Variants in MORC3 observed in about 807,000 individuals in gnomAD.
MORC3 encodes MORC family CW-type zinc finger protein 3.
Under a neutral mutation model 109.1 loss-of-function variants are expected in MORC3, and 31 were observed. The ratio of observed to expected loss-of-function variants is 0.28; its 90% CI spans 0.21 to 0.38. The LOEUF is 0.38. MORC3 is among the 10% of genes least tolerant of loss of function. MORC3 has a pLI of 1.00. For missense variants in MORC3, 867 were observed against 1,135.8 expected (o/e 0.76, Z 3.40); for synonymous variants, 395 against 380.7 (o/e 1.04, Z -0.44).
At chr21:36,375,034 A>T in intron 16 of MORC3, 109 bp from the exon 17 acceptor site, 1 of 1,156,224 alleles carries the variant, frequency 8.6e-7, no homozygotes, top group Non-Finnish European at 1.2e-6. Context: ...CCTTTTGTTT[A>T]ATTGTATATT....
At chr21:36,343,325 C>T (rs1314334241) in intron 6 of MORC3, among the ~76,000 whole-genome samples, 2 of 152,066 alleles carry the variant, frequency 1.3e-5, no homozygotes, top group East Asian at 1.9e-4. Context: ...GAACTCCCGA[C>T]CTCAGTGATC....
intron 16 of MORC3, among the ~76,000 whole-genome samples, chr21:36,374,690 G>A (rs1041821400): frequency 2.0e-5 from 3 of 152,150 alleles, no homozygotes; most frequent in Non-Finnish European, 2.9e-5. Context: ...AGCTACTCAG[G>A]AGGCTGAGGT....
At chr21:36,367,662 A>T (rs1281955645) in intron 14 of MORC3, among the ~76,000 whole-genome samples, 1 of 152,198 alleles carries the variant, frequency 6.6e-6, no homozygotes, top group Non-Finnish European at 1.5e-5. Context: ...TACCAGAAAA[A>T]CTGCATTTCC....
intron 14 of MORC3, among the ~76,000 whole-genome samples, chr21:36,366,284 A>C (rs868442696): frequency 6.6e-6 from 1 of 152,106 alleles, no homozygotes. Context: ...GAGAACATGA[A>C]GTATTTGGTT....
At position 36,342,253 on chromosome 21, in the gene MORC3, A is replaced by C. The variant is rs532013575; in HGVS notation, c.756+707A>C. Among the ~76,000 whole-genome samples, 38 of 143,862 alleles carry C rather than the reference A, an allele frequency of 2.6e-4. 1 individual carries two copies. The highest frequency in any genetic ancestry group is 7.4e-4 in the African/African-American group (29 of 39,216). 94.4% of individuals were successfully genotyped at this position (143,862 alleles called of 152,430 possible). A position where few individuals can be genotyped will look rare whatever the true frequency, so the allele number is the denominator to read the frequency against. On this transcript the variant is annotated intron_variant, in intron 6 of 16. Transcript: ENST00000400485. ...AGTGAGACGCCATCACACACACACA[A>C]AAAATTTAACGTATTCTAGAATACA...
At chr21:36,370,001 T>A in intron 15 of MORC3, 125 bp downstream of exon 15, 1 of 1,097,324 alleles carries the variant, frequency 9.1e-7, no homozygotes, top group African/African-American at 1.6e-5. Context: ...CCAAGGCGGG[T>A]GGGTCAGTCA....
intron 1 of MORC3, among the ~76,000 whole-genome samples, chr21:36,330,140 G>A (rs1036615253): frequency 1.3e-5 from 2 of 152,030 alleles, no homozygotes; most frequent in African/African-American, 4.8e-5. Flanking sequence ...GGGATTACAG[G>A]TGTGAGCCAC....
At chr21:36,365,020 C>G (rs1330592641) in intron 14 of MORC3, among the ~76,000 whole-genome samples, 1 of 139,134 alleles carries the variant, frequency 7.2e-6, no homozygotes, top group African/African-American at 2.8e-5. Flanking sequence ...CCACTGCACT[C>G]CAGCCTGGGT....
At chr21:36,359,200 T>G (rs946521622) in intron 10 of MORC3, among the ~76,000 whole-genome samples, 1 of 152,198 alleles carries the variant, frequency 6.6e-6, no homozygotes, top group Admixed American at 6.6e-5. Context: ...GGGCAAGGCA[T>G]TTGAAATATT....
At chr21:36,322,558 T>C (rs964534142) in intron 1 of MORC3, among the ~76,000 whole-genome samples, 2 of 151,968 alleles carry the variant, frequency 1.3e-5, no homozygotes, top group African/African-American at 4.8e-5. Context: ...TTTTAGTATA[T>C]ATAGAGTTTC....
intron 1 of MORC3, among the ~76,000 whole-genome samples, chr21:36,322,337 G>A (rs1377822870): frequency 6.7e-6 from 1 of 148,996 alleles, no homozygotes; most frequent in African/African-American, 2.5e-5. Flanking sequence ...ACATTTTAAG[G>A]CACAAAGGGT....
intron 9 of MORC3, 131 bp from the exon 10 acceptor site, chr21:36,356,489 C>T (rs1220412077): frequency 2.2e-6 from 1 of 451,386 alleles, no homozygotes; most frequent in African/African-American, 2.1e-5. Context: ...TCACCTATAC[C>T]TTGAATGTTC....
intron 1 of MORC3, among the ~76,000 whole-genome samples, chr21:36,325,938 G>A (rs573696507): frequency 8.5e-5 from 13 of 152,294 alleles, no homozygotes; most frequent in Non-Finnish European, 1.3e-4. Flanking sequence ...GTTAATTTGG[G>A]CGCAGTGGCT....
At chr21:36,338,673 T>C in intron 4 of MORC3, 101 bp from the exon 5 acceptor site, 1 of 1,174,368 alleles carries the variant, frequency 8.5e-7, no homozygotes, top group Non-Finnish European at 1.2e-6. Context: ...TAGAAAATTA[T>C]TTATAAATAG....
intron 1 of MORC3, 104 bp downstream of exon 1, chr21:36,320,407 C>A: frequency 9.0e-7 from 1 of 1,107,042 alleles, no homozygotes; most frequent in Non-Finnish European, 1.1e-6. Flanking sequence ...GCCGACGCGG[C>A]GGCGGGGGCT....
intron 9 of MORC3, among the ~76,000 whole-genome samples, chr21:36,351,051 GTCC>G (rs1365185704): frequency 2.4e-5 from 3 of 127,328 alleles, no homozygotes; most frequent in Non-Finnish European, 3.3e-5. Context: ...AACTACGGTT[GTCC>G]TCCTTTTTTT....
Position 36,353,840 on chromosome 21 carries a change from C to T in MORC3, c.1104-2780C>T, listed in dbSNP as rs1024625784. Among the ~76,000 whole-genome samples, 8 of 142,520 alleles carry T rather than the reference C, an allele frequency of 5.6e-5. No individual in the cohort carries two copies. In the East Asian group the frequency reaches 1.1e-3, roughly 19 times the overall value. 93.5% of individuals were successfully genotyped at this position (142,520 alleles called of 152,430 possible). ...CTCTAACTCCTGACCTCAGGTGATC[C>T]GGCCACCTCGGCCTCCCAAAGTGCT... On this transcript the variant is annotated intron_variant, in intron 9 of 16. Coordinates refer to ENST00000400485, the MANE Select transcript of MORC3 (RefSeq NM_015358.3).
At chr21:36,350,292 G>A (rs2085556142) in intron 9 of MORC3, among the ~76,000 whole-genome samples, 1 of 152,022 alleles carries the variant, frequency 6.6e-6, no homozygotes, top group Admixed American at 6.6e-5. Context: ...CGATGACAGA[G>A]TGAGATCCCG....
intron 9 of MORC3, among the ~76,000 whole-genome samples, chr21:36,352,807 C>T (rs1467114481): frequency 6.6e-6 from 1 of 151,910 alleles, no homozygotes; most frequent in Non-Finnish European, 1.5e-5. Flanking sequence ...TTACTGATAA[C>T]ATAAATAGTT....
Sources: allele counts gnomAD v4.1 joint callset (sites outside exome capture counted in the v4.1 genomes callset), GRCh38; gene constraint gnomAD v4.1.1; transcripts MANE v1.5; gene names NCBI Gene and HGNC (gene_info 2026-07-23, HGNC 2026-07-21).